The following ZNF469 variants were observed in gnomAD, a reference collection of about 807,000 sequenced individuals.
ZNF469 encodes the protein zinc finger protein 469.
A neutral mutation model predicts 1.0 loss-of-function variants in ZNF469; 1 was observed. That is an observed-to-expected ratio of 1.00 (90% CI 0.35 to 4.73). The LOEUF (loss-of-function observed/expected upper bound fraction) is 4.73. Among genes scored for constraint, ZNF469 ranks in the 30% most tolerant of loss-of-function variants. The pLI, the probability that ZNF469 is intolerant of heterozygous loss-of-function variation, is 0.16. For missense variants in ZNF469, 6,100 were observed against 5,356.3 expected (o/e 1.14, Z -4.33); for synonymous variants, 2,703 against 2,363.4 (o/e 1.14, Z -4.17).
At chr16:88,358,278 C>T in the ZNF469 span, among the ~76,000 whole-genome samples, 13 of 152,200 alleles carry the variant, frequency 8.5e-5, no homozygotes, top group South Asian at 1.0e-3. Context: ...CACCACGGCC[C>T]CGCAGCTGGA....
chr16:88,313,030 G>C, the ZNF469 span, among the ~76,000 whole-genome samples: 13 of 152,328 alleles, frequency 8.5e-5, no homozygotes, highest in African/African-American at 3.1e-4. Flanking sequence ...AGGGATAACT[G>C]ACATATTTGT....
the ZNF469 span, among the ~76,000 whole-genome samples, chr16:88,151,785 G>A: frequency 6.6e-6 from 1 of 152,204 alleles, no homozygotes; most frequent in South Asian, 2.1e-4. This position sits in a 1 kb window ranked among gnomAD's most constrained non-coding sequence, Gnocchi z 5.4. Flanking sequence ...CAGCTCCCAA[G>A]AACCTGAGCC....
the ZNF469 span, among the ~76,000 whole-genome samples, chr16:88,101,184 C>T: frequency 5.9e-5 from 9 of 152,230 alleles, no homozygotes; most frequent in African/African-American, 1.7e-4. Flanking sequence ...ACGATGGTGA[C>T]GATCGCGATG....
chr16:88,357,913 G>A, the ZNF469 span, among the ~76,000 whole-genome samples: 7 of 152,232 alleles, frequency 4.6e-5, no homozygotes, highest in East Asian at 7.7e-4. Context: ...AACAAGAAGC[G>A]CCTCTTCTGC....
Position 88,434,957 on chromosome 16 carries a change from G to A in ZNF469, c.7487G>A (p.Arg2496Gln), listed in dbSNP as rs878852985. 2.8e-5 allele frequency: 43 copies of A among 1,549,758 alleles called. No individual in the cohort carries two copies. Among genetic ancestry groups the A allele is most frequent in the African/African-American group, 5.5e-5 (4 of 73,056 alleles). Residue 2496 changes from arginine (R) to glutamine (Q), a missense_variant, in exon 3 of 3, where the codon CGG (arginine) becomes CAG (glutamine). Physicochemically the swap from Arg to Gln is conservative, Grantham distance 43 (BLOSUM62 1). Transcript: ENST00000565624. ...GLSRHKARKH[R>Q]PHPGAPAEPS... ...AGCCGGCACAAGGCCAGGAAGCACCGGCCACACCCGGGAGCCCCCGCGGAG... is the reference window on the plus strand; with the variant it reads ...AGCCGGCACAAGGCCAGGAAGCACCAGCCACACCCGGGAGCCCCCGCGGAG...
the ZNF469 span, among the ~76,000 whole-genome samples, chr16:88,152,648 T>G: frequency 6.6e-6 from 1 of 152,040 alleles, no homozygotes; most frequent in African/African-American, 2.4e-5. This position sits in a 1 kb window ranked among gnomAD's most constrained non-coding sequence, Gnocchi z 4.2. Context: ...AAAAAACCAT[T>G]TGCCCCTACC....
the ZNF469 span, among the ~76,000 whole-genome samples, chr16:88,341,409 C>T: frequency 0.013 from 1,966 of 152,274 alleles, 18 homozygotes; most frequent in Non-Finnish European, 0.022. Flanking sequence ...TGCTGGGCAG[C>T]GTGAGGCAGG....
chr16:88,431,390 G>T lies in ZNF469; in HGVS notation c.3920G>T (p.Gly1307Val), dbSNP rs551317630. ...GVGSLLGGPG[G>V]TQAPVSHNSK... ...GGCAGCCTGCTGGGTGGTCCTGGGG[G>T]CACACAGGCCCCAGTCTCCCACAAC... The change falls in exon 3 of 3, where the codon GGC becomes GTC. Residue 1307 changes from glycine (G) to valine (V), a missense_variant. Coordinates refer to ENST00000565624, the MANE Select transcript of ZNF469 (RefSeq NM_001367624.2). 6 of 1,550,112 alleles carry T rather than the reference G, an allele frequency of 3.9e-6. No homozygotes were observed. The highest frequency in any genetic ancestry group is 4.4e-6 in the Non-Finnish European group (5 of 1,146,962).
chr16:88,208,803 A>ACACACACACACTCTCT, the ZNF469 span, among the ~76,000 whole-genome samples: 2 of 123,656 alleles, frequency 1.6e-5, no homozygotes, highest in African/African-American at 6.3e-5. Flanking sequence ...ACACACACAC[A>ACACACACACACTCTCT]CTCTCTCTCT....
rs543285355 is a variant in ZNF469 at position 88,427,686 on chromosome 16, G to T, written c.216G>T (p.Glu72Asp). 2.1e-4 allele frequency: 316 copies of T among 1,532,628 alleles called. 1 individual carries two copies. Among genetic ancestry groups the T allele is most frequent in the Non-Finnish European group, 2.4e-4 (277 of 1,142,026 alleles). 94.9% of individuals were successfully genotyped at this position (1,532,628 alleles called of 1,614,324 possible). The change falls in exon 3 of 3, where the codon GAG (glutamate) becomes GAT (aspartate). Residue 72 changes from glutamate (E) to aspartate (D), a missense_variant. Glu to Asp is a conservative substitution (Grantham distance 45). Transcript: ENST00000565624. ...AGCCAAGGCAGGCCAGGGACGGGGAGCTCAAGCCCCCATCCCTGAGAGGCC... is the reference window on the plus strand; with the variant it reads ...AGCCAAGGCAGGCCAGGGACGGGGATCTCAAGCCCCCATCCCTGAGAGGCC... ...EAQPRQARDGELKPPSLRGQA... is the reference protein window; with the variant it reads ...EAQPRQARDGDLKPPSLRGQA...
chr16:88,325,442 G>A, the ZNF469 span, among the ~76,000 whole-genome samples: 1 of 152,264 alleles, frequency 6.6e-6, no homozygotes, highest in Non-Finnish European at 1.5e-5. Context: ...CCTGAAGGCG[G>A]GGCAGCCGCT....
the ZNF469 span, among the ~76,000 whole-genome samples, chr16:88,300,362 C>G: frequency 1.7e-4 from 26 of 152,076 alleles, 1 homozygote; most frequent in Admixed American, 1.7e-3. Context: ...GCCTGTCACC[C>G]TGCATCATCT....
the ZNF469 span, among the ~76,000 whole-genome samples, chr16:88,359,253 G>A: frequency 2.0e-5 from 3 of 151,622 alleles, no homozygotes; most frequent in African/African-American, 2.4e-5. Context: ...CGTCCCGGGG[G>A]CTCGGTACCC....
chr16:88,243,950 AT>A, the ZNF469 span, among the ~76,000 whole-genome samples: 6 of 72,472 alleles, frequency 8.3e-5, no homozygotes, highest in Admixed American at 1.5e-4. Flanking sequence ...ATATATATAT[AT>A]AAATGTATGT....
rs749072244 is a variant in ZNF469 at position 88,432,934 on chromosome 16, C to A, written c.5464C>A (p.Pro1822Thr). 6 of 1,550,402 alleles carry A rather than the reference C, an allele frequency of 3.9e-6. No individual in the cohort carries two copies. The highest frequency in any genetic ancestry group is 5.2e-6 in the Non-Finnish European group (6 of 1,146,974). Reference protein sequence around the residue: ...DGAPPLDATWPFGASPSHAAQ... With the variant: ...DGAPPLDATWTFGASPSHAAQ... ...GGCTCCACCTCTGGATGCCACCTGG[C>A]CTTTTGGTGCCAGTCCCAGCCATGC... The change falls in exon 3 of 3, where the codon CCT (proline) becomes ACT (threonine). Residue 1822 changes from proline to threonine, a missense_variant. Coordinates refer to ENST00000565624, the MANE Select transcript of ZNF469 (RefSeq NM_001367624.2).
In ZNF469 at chr16:88,421,810, G is replaced by A. The variant is rs191492551; in HGVS notation, c.-191-2997G>A. Among the ~76,000 whole-genome samples the A allele has an allele frequency of 1.6e-3, 239 of 152,314 alleles. 1 individual carries two copies. The highest frequency in any genetic ancestry group is 5.2e-3 in the African/African-American group (216 of 41,556). ...GTGTCAATTGTGTGACCTTGGACCC[G>A]TCACACCACCTCTCTGGGCTGCAAC... On this transcript the variant is annotated intron_variant, in intron 1 of 2. Transcript: ENST00000565624.
At chr16:88,331,078 C>A in the ZNF469 span, among the ~76,000 whole-genome samples, 1 of 150,700 alleles carries the variant, frequency 6.6e-6, no homozygotes, top group East Asian at 2.0e-4. Context: ...ACGACCACCA[C>A]CACCATCACC....
the ZNF469 span, among the ~76,000 whole-genome samples, chr16:88,177,058 GTGACTGACAGGTGATAATGTT>G: frequency 2.6e-5 from 4 of 152,226 alleles, no homozygotes; most frequent in South Asian, 2.1e-4. This position sits in a 1 kb window ranked among gnomAD's most constrained non-coding sequence, Gnocchi z 4.8. Context: ...CACGTCTCTG[GTGACTGACAGGTGATAATGTT>G]TGACTGACAG....
the ZNF469 span, among the ~76,000 whole-genome samples, chr16:88,116,364 A>G: frequency 0.05 from 7,663 of 152,236 alleles, 332 homozygotes; most frequent in East Asian, 0.24. Context: ...CGATGCCGCA[A>G]TGCCGCAGTG....
Sources: allele counts gnomAD v4.1 joint callset (sites outside exome capture counted in the v4.1 genomes callset), GRCh38; gene constraint gnomAD v4.1.1; non-coding constraint Gnocchi (gnomAD v3.1); transcripts MANE v1.5; gene names NCBI Gene and HGNC (gene_info 2026-07-23, HGNC 2026-07-21).